MED24: variants seen among roughly 807,000 people sequenced by gnomAD.
The protein encoded by MED24 is mediator complex subunit 24, also known as mediator of RNA polymerase II transcription subunit 24.
Under a neutral mutation model 118.8 loss-of-function variants are expected in MED24, and 74 were observed. That is an observed-to-expected ratio of 0.62 (90% CI 0.52 to 0.76). The LOEUF is 0.76. Among genes scored for constraint, MED24 ranks in the 30% least tolerant of loss-of-function variants. The pLI is 0.00. For synonymous variants in MED24, 521 were observed against 523.9 expected, an observed-to-expected ratio of 0.99 and a Z score of 0.08; for missense variants, 1,041 against 1,278.9, an observed-to-expected ratio of 0.81 and a Z score of 2.84.
chr17:40,053,791 T>C, intron 1 of MED24, 156 bp from the exon 2 acceptor site: 1 of 985,400 alleles, frequency 1.0e-6, no homozygotes, highest in Non-Finnish European at 1.5e-6. Context: ...AGTAAGATCC[T>C]GTCAGACTCT....
At chr17:40,028,685 A>G in intron 14 of MED24, 141 bp downstream of exon 14, 1 of 1,215,592 alleles carries the variant, frequency 8.2e-7, no homozygotes, top group Non-Finnish European at 1.1e-6. Context: ...TTCCTCCAAG[A>G]TCTCCAGCCA....
intron 24 of MED24, 169 bp downstream of exon 24, chr17:40,020,104 G>GCCCCC: frequency 1.3e-6 from 1 of 779,274 alleles, no homozygotes; most frequent in Non-Finnish European, 2.1e-6. Flanking sequence ...GGGAGGAGGG[G>GCCCCC]GAACTAGACA....
At chr17:40,039,853 A>T (rs1278492226) in intron 3 of MED24, among the ~76,000 whole-genome samples, 1 of 142,456 alleles carries the variant, frequency 7.0e-6, no homozygotes, top group East Asian at 2.0e-4. Context: ...GCGAGATCTC[A>T]GCTCACTGCA....
intron 11 of MED24, 71 bp downstream of exon 11, chr17:40,031,467 C>G: frequency 6.8e-7 from 1 of 1,476,966 alleles, no homozygotes; most frequent in Non-Finnish European, 9.4e-7. Context: ...TGAGGCTTCT[C>G]TGGCACAGAG....
intron 3 of MED24, among the ~76,000 whole-genome samples, chr17:40,046,182 T>G (rs1300789989): frequency 6.7e-6 from 1 of 149,910 alleles, no homozygotes; most frequent in East Asian, 2.0e-4. Context: ...CCTCCCGGGT[T>G]CACGCCATTC....
Position 40,025,637 on chromosome 17 carries a change from G to A in MED24, c.1985+519C>T, listed in dbSNP as rs536582452. 2.0e-5 allele frequency among the ~76,000 whole-genome samples: 3 copies of A among 152,162 alleles called. No homozygotes were observed. The East Asian group carries it at 5.8e-4, about 29-fold the overall frequency. ...CAGTGTGAATATACTTAACACTACT[G>A]AACAGTACACTTAAACATGGCTAAG... On this transcript the variant is annotated intron_variant, in intron 19 of 25. Transcript: ENST00000394128.
chr17:40,031,994 C>T (rs1216284047), intron 10 of MED24, 49 bp downstream of exon 10: 14 of 1,590,422 alleles, frequency 8.8e-6, no homozygotes, highest in Non-Finnish European at 1.2e-5. Context: ...GGACCCTCCC[C>T]TTTGCCCTTA....
At chr17:40,051,610 C>CTCAA (rs1485987466) in intron 3 of MED24, among the ~76,000 whole-genome samples, 1 of 148,566 alleles carries the variant, frequency 6.7e-6, no homozygotes, top group Admixed American at 6.8e-5. Context: ...GAAACTCTGC[C>CTCAA]TCAATCAATC....
Position 40,019,587 on chromosome 17 carries a change from G to A in MED24, c.2912C>T (p.Thr971Met), listed in dbSNP as rs778521509. 6 of 1,611,606 alleles carry A rather than the reference G, an allele frequency of 3.7e-6. No individual in the cohort carries two copies. The highest frequency in any genetic ancestry group is 3.3e-5 in the Admixed American group (2 of 59,736). ...GCGGCCCAGGGGCAGGCTGAGGTCCGTGATGGCCAGAACCACCTTGGGGCT... is the reference window on the plus strand; with the variant it reads ...GCGGCCCAGGGGCAGGCTGAGGTCCATGATGGCCAGAACCACCTTGGGGCT... ...MSSPKVVLAI[T>M]DLSLPLGRQV... Residue 971 changes from threonine to methionine, a missense_variant, in exon 26 of 26, where the codon ACG becomes ATG. Around this residue, in one of 3 missense-constraint regions of MED24, gnomAD observed 587 missense variants for 694.4 expected, o/e 0.85. Coordinates refer to ENST00000394128, the MANE Select transcript of MED24 (RefSeq NM_014815.4).
At position 40,020,373 on chromosome 17, in the gene MED24, G is replaced by A. The variant is rs370651288; in HGVS notation, c.2624-20C>T. On this transcript the variant is annotated intron_variant, in intron 23 of 25. Coordinates refer to ENST00000394128, the MANE Select transcript of MED24 (RefSeq NM_014815.4). The stretch of plus-strand genomic sequence containing the variant: ...GGTCTGCTGTGGGACGGAGCAGATG[G>A]AGCGCTGGGAAACAGCCTGCCGAGT... 5.1e-6 allele frequency: 8 copies of A among 1,580,778 alleles called. No homozygotes were observed. In the African/African-American group the frequency reaches 9.4e-5, roughly 19 times the overall value.
At position 40,019,394 on chromosome 17, in the gene MED24, C is replaced by T. The variant is rs1981661633; in HGVS notation, c.*135G>A. 1.4e-6 allele frequency: 1 copy of T among 721,122 alleles called. No individual in the cohort carries two copies. The highest frequency in any genetic ancestry group is 1.8e-5 in the African/African-American group (1 of 55,646). The allele number at this position is 721,122 out of a possible 1,614,324, so 44.7% of individuals were successfully genotyped here. A position where few individuals can be genotyped will look rare whatever the true frequency, so the allele number is the denominator to read the frequency against. Reference sequence around the variant, plus strand: ...GAGGTCAGGAGTCAGGAGCGGGGAACTGGAAGCCGCTAGAGGCTCTTGCAC... The same window carrying T: ...GAGGTCAGGAGTCAGGAGCGGGGAATTGGAAGCCGCTAGAGGCTCTTGCAC... On this transcript the variant is annotated 3_prime_UTR_variant, in exon 26 of 26. Coordinates refer to ENST00000394128, the MANE Select transcript of MED24 (RefSeq NM_014815.4).
chr17:40,038,415 TAAG>T (rs1984190126), intron 3 of MED24, among the ~76,000 whole-genome samples: 1 of 152,006 alleles, frequency 6.6e-6, no homozygotes, highest in South Asian at 2.1e-4. Flanking sequence ...TCCAAAGATT[TAAG>T]AAGAAAGCTG....
At position 40,028,843 on chromosome 17, in the gene MED24, G is replaced by A. The variant is rs759172054; in HGVS notation, c.1392C>T (p.Phe464=). The change falls in exon 14 of 26, where the codon TTC becomes TTT. Residue 464 remains phenylalanine (F), a synonymous_variant. Transcript: ENST00000394128. The part of the protein sequence containing the change: ...AAAATGKLKS[F]ARKFINLNEF... Reference sequence around the variant, plus strand: ...TTCCTCACTTGATGAATTTCCGGGCGAAGGATTTCAGCTTTCCAGTGGCGG... The same window carrying A: ...TTCCTCACTTGATGAATTTCCGGGCAAAGGATTTCAGCTTTCCAGTGGCGG... 2.5e-5 allele frequency: 41 copies of A among 1,613,950 alleles called. No individual in the cohort carries two copies. In the African/African-American group the frequency reaches 3.7e-4, roughly 15 times the overall value.
chr17:40,033,802 C>T lies in MED24; in HGVS notation c.560-346G>A, dbSNP rs957699270. 1.9e-5 allele frequency: 9 copies of T among 486,046 alleles called. 1 individual carries two copies. Among genetic ancestry groups the T allele is most frequent in the East Asian group, 1.2e-4 (2 of 16,632 alleles). 30.1% of individuals were successfully genotyped at this position (486,046 alleles called of 1,614,324 possible). The stretch of plus-strand genomic sequence containing the variant: ...ACAGGGAGGGCGGCCACAAATCACT[C>T]GAGGAGTGAGCGGATCCCAAAGTCC... On this transcript the variant is annotated intron_variant, in intron 6 of 25. Transcript: ENST00000394128. This position sits in a 1 kb window ranked among gnomAD's most constrained non-coding sequence, Gnocchi z 5.2.
chr17:40,022,035 G>A lies in MED24; in HGVS notation c.2543C>T (p.Pro848Leu), dbSNP rs1218373160. Reference sequence around the variant, plus strand: ...CTTCGAAGGCTGCACATCGTCCAGGGGGAAGAGGCTGATATAATCCTAGAG... The same window carrying A: ...CTTCGAAGGCTGCACATCGTCCAGGAGGAAGAGGCTGATATAATCCTAGAG... ...EDIEDYISLF[P>L]LDDVQPSKLM... Residue 848 changes from proline to leucine, a missense_variant, in exon 23 of 26, where the codon CCC (proline) becomes CTC (leucine). Pro to Leu is a moderately conservative substitution (Grantham distance 98, BLOSUM62 -3). Coordinates refer to ENST00000394128, the MANE Select transcript of MED24 (RefSeq NM_014815.4). 12 of 1,610,216 alleles carry A rather than the reference G, an allele frequency of 7.5e-6. No homozygotes were observed. Among genetic ancestry groups the A allele is most frequent in the Non-Finnish European group, 8.5e-6 (10 of 1,178,126 alleles).
intron 12 of MED24, among the ~76,000 whole-genome samples, chr17:40,030,617 A>C (rs1983244071): frequency 6.6e-6 from 1 of 151,788 alleles, no homozygotes; most frequent in African/African-American, 2.4e-5. Context: ...AATGCTCTGA[A>C]AGCACATTTA....
Position 40,035,306 on chromosome 17 carries a change from G to A in MED24, c.370C>T (p.Leu124Phe). The part of the protein sequence containing the change: ...AEECIGLCRA[L>F]LSALHWLLRC... The stretch of plus-strand genomic sequence containing the variant: ...AGCAGCCAGTGGAGGGCGCTAAGAA[G>A]GGCTCGGCACAGTCCGATGCATTCC... Residue 124 changes from leucine to phenylalanine, a missense_variant, in exon 6 of 26, where the codon CTT becomes TTT. Leu to Phe is a conservative substitution (Grantham distance 22, BLOSUM62 0). Coordinates refer to ENST00000394128, the MANE Select transcript of MED24 (RefSeq NM_014815.4). The A allele has an allele frequency of 1.2e-6, 2 of 1,611,226 alleles. No individual in the cohort carries two copies. The highest frequency in any genetic ancestry group is 1.7e-6 in the Non-Finnish European group (2 of 1,177,768).
chr17:40,019,764 AGCCGG>A lies in MED24; in HGVS notation c.2853+16_2853+20del. On this transcript the variant is annotated intron_variant, in intron 25 of 25. Transcript: ENST00000394128. ...CCCGAGGCCCCAGCACCAGCAGGAG[AGCCGG>A]GAAGGTGGTACTCACGGTGGTGAAG... The A allele has an allele frequency of 6.2e-7, 1 of 1,610,140 alleles. No homozygotes were observed. The highest frequency in any genetic ancestry group is 8.5e-7 in the Non-Finnish European group (1 of 1,177,494).
intron 3 of MED24, among the ~76,000 whole-genome samples, chr17:40,047,680 AC>A (rs1985384844): frequency 6.7e-6 from 1 of 148,702 alleles, no homozygotes; most frequent in Non-Finnish European, 1.5e-5. Context: ...AAACAAAAAA[AC>A]AAAAAACAAA....
Sources: allele counts gnomAD v4.1 joint callset (sites outside exome capture counted in the v4.1 genomes callset), GRCh38; gene constraint gnomAD v4.1.1; regional missense constraint gnomAD v4.1.1; non-coding constraint Gnocchi (gnomAD v3.1); transcripts MANE v1.5; gene names NCBI Gene and HGNC (gene_info 2026-07-23, HGNC 2026-07-21).